The following FAAH2 variants were observed in gnomAD, a reference collection of about 807,000 sequenced individuals.
FAAH2 encodes the protein fatty-acid amide hydrolase 2.
A neutral mutation model predicts 36.9 loss-of-function variants in FAAH2; 60 were observed. The ratio of observed to expected loss-of-function variants is 1.63; its 90% confidence interval spans 1.32 to 2.02. FAAH2 has a LOEUF of 2.02. Ranked by LOEUF, FAAH2 falls within the 30% of genes most tolerant of loss-of-function variation. The pLI, the probability that FAAH2 is intolerant of heterozygous loss-of-function variation, is 0.00. For synonymous variants in FAAH2, 214 were observed against 143.8 expected (o/e 1.49, Z -3.49); for missense variants, 689 against 397.5 (o/e 1.73, Z -6.23).
chrX:57,435,179 A>G (rs768276089), intron 8 of FAAH2, among the ~76,000 whole-genome samples: 30 of 111,898 alleles, frequency 2.7e-4, no homozygotes, highest in Non-Finnish European at 5.5e-4. Flanking sequence ...ACTCATTAAC[A>G]TATAAAACTC....
chrX:57,188,300 G>A, the FAAH2 span, among the ~76,000 whole-genome samples: 2 of 111,144 alleles, frequency 1.8e-5, no homozygotes, highest in Non-Finnish European at 3.8e-5. Context: ...GAGGGTGTAT[G>A]CATCCAGGAA....
intron 10 of FAAH2, among the ~76,000 whole-genome samples, chrX:57,482,668 C>T (rs1371098410): frequency 9.3e-6 from 1 of 107,421 alleles, no homozygotes; most frequent in Non-Finnish European, 1.9e-5. Context: ...AGCTGCAGAC[C>T]AGATCTGCTT....
chrX:57,231,893 TC>T, the FAAH2 span, among the ~76,000 whole-genome samples: 1 of 111,591 alleles, frequency 9.0e-6, no homozygotes, highest in Non-Finnish European at 1.9e-5. Flanking sequence ...GCCCCTGGGA[TC>T]CCACCAAGCA....
the FAAH2 span, among the ~76,000 whole-genome samples, chrX:57,161,722 C>A: frequency 9.0e-6 from 1 of 111,564 alleles, no homozygotes; most frequent in Non-Finnish European, 1.9e-5. Flanking sequence ...GGTAGATCTT[C>A]CCCCATCCCT....
the FAAH2 span, among the ~76,000 whole-genome samples, chrX:57,264,507 G>A: frequency 3.6e-5 from 4 of 112,393 alleles, no homozygotes; most frequent in African/African-American, 1.3e-4. Context: ...AGTCAAACTG[G>A]CTATAATTAT....
At chrX:57,337,311 G>C (rs1047927619) in intron 4 of FAAH2, among the ~76,000 whole-genome samples, 1 of 105,648 alleles carries the variant, frequency 9.5e-6, no homozygotes, top group East Asian at 2.9e-4. Flanking sequence ...ATTTACAGCT[G>C]AATTCTACCA....
the FAAH2 span, among the ~76,000 whole-genome samples, chrX:57,222,478 C>T: frequency 8.9e-6 from 1 of 111,991 alleles, no homozygotes; most frequent in Admixed American, 9.4e-5. Flanking sequence ...AGCTTAAAGC[C>T]ACCATTCTCC....
At chrX:57,397,519 T>C (rs148418879) in intron 7 of FAAH2, among the ~76,000 whole-genome samples, 2,547 of 111,190 alleles carry the variant, frequency 0.023, 33 homozygotes, top group Non-Finnish European at 0.035. Context: ...CGTTTTTTCA[T>C]TTATAAAGCT....
intron 10 of FAAH2, among the ~76,000 whole-genome samples, chrX:57,470,528 C>A (rs141388718): frequency 1.8e-5 from 2 of 111,096 alleles, no homozygotes; most frequent in Admixed American, 1.9e-4. Context: ...GACACATACA[C>A]CCCCTAAGAC....
At chrX:57,227,559 G>A in the FAAH2 span, among the ~76,000 whole-genome samples, 11 of 111,303 alleles carry the variant, frequency 9.9e-5, no homozygotes, top group African/African-American at 3.3e-4. Flanking sequence ...GTGACACAAG[G>A]GGCAATGGAC....
At chrX:57,189,741 C>T in the FAAH2 span, among the ~76,000 whole-genome samples, 2 of 111,613 alleles carry the variant, frequency 1.8e-5, no homozygotes, top group East Asian at 5.7e-4. Flanking sequence ...AAGATGGTTG[C>T]CTGCTCCTTC....
At chrX:57,370,410 T>A (rs756116573) in intron 5 of FAAH2, among the ~76,000 whole-genome samples, 1 of 111,310 alleles carries the variant, frequency 9.0e-6, no homozygotes, top group Non-Finnish European at 1.9e-5. Flanking sequence ...CAAAAGTTGA[T>A]TCAGCAAAAG....
Position 57,489,039 on chromosome X carries a change from G to A in FAAH2, c.*107G>A, listed in dbSNP as rs927962479. 8.6e-6 allele frequency: 7 copies of A among 810,259 alleles called. No individual in the cohort carries two copies. Among genetic ancestry groups the A allele is most frequent in the African/African-American group, 2.1e-5 (1 of 47,506 alleles). The allele number at this position is 810,259 out of a possible 1,213,427, so 66.8% of individuals were successfully genotyped here. On this transcript the variant is annotated 3_prime_UTR_variant, in exon 11 of 11. Transcript: ENST00000374900. ...CAGCAGACAAGCAGAGAAACAACTGGGGAATTTATTGACTCATTTAGTTAT... is the reference window on the plus strand; with the variant it reads ...CAGCAGACAAGCAGAGAAACAACTGAGGAATTTATTGACTCATTTAGTTAT...
intron 2 of FAAH2, among the ~76,000 whole-genome samples, chrX:57,294,561 C>G (rs990018227): frequency 7.1e-5 from 8 of 112,003 alleles, no homozygotes; most frequent in African/African-American, 2.6e-4. Flanking sequence ...GGCTCTTCTT[C>G]TTTATTTATC....
intron 10 of FAAH2, among the ~76,000 whole-genome samples, chrX:57,482,034 C>T (rs923514016): frequency 8.9e-6 from 1 of 111,761 alleles, no homozygotes; most frequent in African/African-American, 3.3e-5. Flanking sequence ...CTCCTCAGTG[C>T]TTTCAGGGGA....
At chrX:57,186,620 G>A in the FAAH2 span, among the ~76,000 whole-genome samples, 6 of 111,869 alleles carry the variant, frequency 5.4e-5, no homozygotes, top group African/African-American at 1.9e-4. Context: ...TGTTGTTTTA[G>A]TCATGAAGTC....
the FAAH2 span, among the ~76,000 whole-genome samples, chrX:57,212,266 G>T: frequency 8.9e-6 from 1 of 112,017 alleles, no homozygotes; most frequent in Admixed American, 9.5e-5. Context: ...TGTTACACAA[G>T]TTGCAAAGGA....
At chrX:57,264,833 G>A in the FAAH2 span, among the ~76,000 whole-genome samples, 1 of 112,344 alleles carries the variant, frequency 8.9e-6, no homozygotes, top group African/African-American at 3.2e-5. Context: ...ATTAGGAGTG[G>A]CCAAGATGGC....
chrX:57,144,691 G>T, the FAAH2 span, among the ~76,000 whole-genome samples: 2 of 109,716 alleles, frequency 1.8e-5, no homozygotes, highest in Non-Finnish European at 3.8e-5. Flanking sequence ...CTTTCCAAGT[G>T]TTCCCAAAGT....
Sources: allele counts gnomAD v4.1 joint callset (sites outside exome capture counted in the v4.1 genomes callset), GRCh38; gene constraint gnomAD v4.1.1; transcripts MANE v1.5; gene names NCBI Gene and HGNC (gene_info 2026-07-23, HGNC 2026-07-21).